Variants in STPG2 observed in about 807,000 individuals in gnomAD.
STPG2 encodes the protein sperm-tail PG-rich repeat-containing protein 2.
In STPG2, 56 loss-of-function variants were observed where a neutral mutation model predicts 54.2. The ratio of observed to expected loss-of-function variants is 1.03; its 90% CI spans 0.83 to 1.29. STPG2 has a LOEUF of 1.29. STPG2 is among the 50% of genes most tolerant of loss of function. STPG2 has a pLI of 0.00. For synonymous variants in STPG2, 200 were observed against 181.8 expected (o/e 1.10, Z -0.81); for missense variants, 596 against 544.9 (o/e 1.09, Z -0.93).
chr4:97,829,883 C>T (rs1210874125), intron 9 of STPG2, among the ~76,000 whole-genome samples: 1 of 151,968 alleles, frequency 6.6e-6, no homozygotes, highest in Admixed American at 6.6e-5. Flanking sequence ...GTAAAAAGAA[C>T]AAATCTACGT....
chr4:97,912,681 T>C (rs1337847060), intron 8 of STPG2, among the ~76,000 whole-genome samples: 3 of 151,928 alleles, frequency 2.0e-5, no homozygotes, highest in Admixed American at 2.0e-4. Flanking sequence ...TCCAAGAAAT[T>C]TGGGATAATT....
rs577366089 is a variant in STPG2 at position 97,520,876 on chromosome 4, T to A, written c.462+191823A>T. On this transcript the variant is annotated intron_variant, in intron 4 of 4. Transcript: ENST00000522676. Reference sequence around the variant, plus strand: ...TAAATGTATTTTCAAATAACAGAGTTTGGGGGTTTTTTTGGTTATAGAGTT... The same window carrying A: ...TAAATGTATTTTCAAATAACAGAGTATGGGGGTTTTTTTGGTTATAGAGTT... 1.2e-4 allele frequency among the ~76,000 whole-genome samples: 19 copies of A among 152,136 alleles called. No homozygotes were observed. The South Asian group carries it at 3.7e-3, about 30-fold the overall frequency.
intron 10 of STPG2, among the ~76,000 whole-genome samples, chr4:97,602,849 C>T (rs967035198): frequency 6.6e-6 from 1 of 151,512 alleles, no homozygotes; most frequent in Non-Finnish European, 1.5e-5. Flanking sequence ...AATCAATTGG[C>T]CATTTTTAAC....
intron 7 of STPG2, among the ~76,000 whole-genome samples, chr4:97,954,726 T>C (rs1165270535): frequency 1.3e-5 from 2 of 152,222 alleles, no homozygotes; most frequent in Non-Finnish European, 2.9e-5. Context: ...TTCACCTGTA[T>C]CTACCTTGCA....
intron 8 of STPG2, among the ~76,000 whole-genome samples, chr4:97,915,659 T>C (rs745662582): frequency 2.0e-5 from 3 of 151,870 alleles, no homozygotes; most frequent in East Asian, 1.9e-4. Flanking sequence ...GGAAAAAAAT[T>C]GTACAAGCAG....
chr4:97,443,465 G>A (rs973538388), intron 4 of STPG2, among the ~76,000 whole-genome samples: 1 of 152,168 alleles, frequency 6.6e-6, no homozygotes. Flanking sequence ...AAGAGTAGCA[G>A]CTAAAGATAT....
intron 10 of STPG2, among the ~76,000 whole-genome samples, chr4:97,672,166 CTTTTTT>C (rs70953079): frequency 6.2e-5 from 5 of 80,684 alleles, no homozygotes; most frequent in African/African-American, 9.3e-5. Context: ...ACTGGTAATT[CTTTTTT>C]TTTTTTTTTT....
downstream of STPG2, among the ~76,000 whole-genome samples, chr4:97,557,166 C>T (rs1228107129): frequency 5.3e-5 from 8 of 151,342 alleles, no homozygotes; most frequent in Non-Finnish European, 8.8e-5. Context: ...GGTGATACAG[C>T]GAGACTCCAT....
intron 4 of STPG2, among the ~76,000 whole-genome samples, chr4:97,515,081 A>G (rs538388996): frequency 1.3e-5 from 2 of 152,256 alleles, no homozygotes; most frequent in African/African-American, 4.8e-5. Flanking sequence ...GACGTGACTA[A>G]TAAGTTCTAT....
intron 10 of STPG2, among the ~76,000 whole-genome samples, chr4:97,681,548 A>G (rs1186027652): frequency 2.0e-5 from 3 of 151,838 alleles, no homozygotes; most frequent in African/African-American, 2.4e-5. Context: ...TTAATTCTCC[A>G]TTTTTATGGT....
chr4:97,444,371 T>C (rs931250846), intron 4 of STPG2, among the ~76,000 whole-genome samples: 7 of 152,162 alleles, frequency 4.6e-5, no homozygotes, highest in Non-Finnish European at 8.8e-5. Flanking sequence ...AATTGACTTT[T>C]TTTAACGCAT....
chr4:97,506,019 CAAAAAA>C (rs59206485), intron 4 of STPG2, among the ~76,000 whole-genome samples: 57 of 16,930 alleles, frequency 3.4e-3, no homozygotes, highest in African/African-American at 0.011. Context: ...AATAGGAGAC[CAAAAAA>C]AAAAAAAAAA....
intron 4 of STPG2, among the ~76,000 whole-genome samples, chr4:97,546,531 G>T (rs1341329433): frequency 1.3e-5 from 2 of 152,032 alleles, no homozygotes; most frequent in African/African-American, 4.8e-5. Context: ...TGATAAGTTA[G>T]AAGTAGGAAG....
chr4:97,884,086 C>T (rs1395281), intron 8 of STPG2, among the ~76,000 whole-genome samples: 3 of 151,672 alleles, frequency 2.0e-5, no homozygotes, highest in Non-Finnish European at 4.4e-5. Context: ...TCAGTCCAGG[C>T]CCAATAAACT....
intron 10 of STPG2, among the ~76,000 whole-genome samples, chr4:97,659,511 C>G (rs1207726286): frequency 6.6e-6 from 1 of 152,186 alleles, no homozygotes; most frequent in Non-Finnish European, 1.5e-5. Context: ...TGTGTTCTTA[C>G]ACTCTCACAC....
At chr4:97,624,698 G>A (rs1734095733) in intron 10 of STPG2, among the ~76,000 whole-genome samples, 1 of 152,046 alleles carries the variant, frequency 6.6e-6, no homozygotes, top group African/African-American at 2.4e-5. Flanking sequence ...CTTTGCACGT[G>A]CCAATGTCCT....
intron 8 of STPG2, among the ~76,000 whole-genome samples, chr4:97,943,443 T>A (rs1050391145): frequency 5.3e-5 from 8 of 152,190 alleles, no homozygotes; most frequent in African/African-American, 1.7e-4. Flanking sequence ...GTATTTATTT[T>A]AAAAAATGGA....
At chr4:97,859,296 T>A (rs1578629360) in intron 8 of STPG2, among the ~76,000 whole-genome samples, 1 of 152,274 alleles carries the variant, frequency 6.6e-6, no homozygotes, top group East Asian at 1.9e-4. Flanking sequence ...ATTCTTGATA[T>A]TGGTCCTTTG....
intron 5 of STPG2, chr4:98,025,976 A>C: frequency 8.4e-7 from 1 of 1,185,932 alleles, no homozygotes; most frequent in Non-Finnish European, 1.2e-6. Flanking sequence ...CACAGGAAGC[A>C]CATTGTGGGC....
Sources: allele counts gnomAD v4.1 joint callset (sites outside exome capture counted in the v4.1 genomes callset), GRCh38; gene constraint gnomAD v4.1.1; transcripts MANE v1.5; gene names NCBI Gene and HGNC (gene_info 2026-07-23, HGNC 2026-07-21).